Variants in POC1A observed in about 807,000 individuals in gnomAD.
The protein encoded by POC1A is POC1 centriolar protein A, also known as POC1 centriolar protein homolog A.
Under a neutral mutation model 47.8 loss-of-function variants are expected in POC1A, and 34 were observed. That is an observed-to-expected ratio of 0.71 (90% CI 0.54 to 0.95). POC1A has a LOEUF of 0.95. Ranked by LOEUF, POC1A falls within the 40% of genes least tolerant of loss-of-function variation. The pLI is 0.00. For missense variants in POC1A, 466 were observed against 528.3 expected, an observed-to-expected ratio of 0.88 and a Z score of 1.16; for synonymous variants, 177 against 207.6, an observed-to-expected ratio of 0.85 and a Z score of 1.27.
At chr3:52,112,195 C>T (rs368622185) in intron 9 of POC1A, among the ~76,000 whole-genome samples, 18 of 152,316 alleles carry the variant, frequency 1.2e-4, no homozygotes, top group African/African-American at 4.3e-4. Flanking sequence ...ACGCTGTCAC[C>T]CAGGCTGAAG....
chr3:52,119,005 T>TTTC, intron 9 of POC1A, among the ~76,000 whole-genome samples: 1 of 81,228 alleles, frequency 1.2e-5, no homozygotes, highest in East Asian at 6.6e-4. Flanking sequence ...AGGCAAAAGG[T>TTTC]TTTTTTTTTT....
chr3:52,105,514 A>T (rs1462915390), intron 9 of POC1A, among the ~76,000 whole-genome samples: 1 of 152,140 alleles, frequency 6.6e-6, no homozygotes, highest in Non-Finnish European at 1.5e-5. Context: ...GCTCACGTGG[A>T]CTCAGCCTCA....
rs76403062 is a variant in POC1A at position 52,137,259 on chromosome 3, G to A, written c.813+910C>T. Among the ~76,000 whole-genome samples, 1,158 of 152,248 alleles carry A rather than the reference G, an allele frequency of 7.6e-3. 6 individuals carry two copies. The highest frequency in any genetic ancestry group is 9.9e-3 in the Non-Finnish European group (673 of 68,010). Reference sequence around the variant, plus strand: ...CCTATGTCCCCATCCCCTAGTCATAGCCAAATGGCCCCCAGGTACCCTAAC... The same window carrying A: ...CCTATGTCCCCATCCCCTAGTCATAACCAAATGGCCCCCAGGTACCCTAAC... On this transcript the variant is annotated intron_variant, in intron 7 of 10. Transcript: ENST00000296484.
chr3:52,089,546 G>T (rs2106950817), intron 10 of POC1A, among the ~76,000 whole-genome samples: 1 of 152,264 alleles, frequency 6.6e-6, no homozygotes, highest in East Asian at 1.9e-4. Context: ...GACCAAGCAG[G>T]TGAGCTGGCT....
At chr3:52,100,755 C>CA (rs904173786) in intron 9 of POC1A, among the ~76,000 whole-genome samples, 14 of 149,506 alleles carry the variant, frequency 9.4e-5, no homozygotes, top group South Asian at 4.2e-4. Context: ...GCTTTCATGA[C>CA]AAAAAAAAAT....
Position 52,085,223 on chromosome 3 carries a change from C to T in POC1A, c.1126-9238G>A, listed in dbSNP as rs138494905. Among the ~76,000 whole-genome samples, 218 of 152,286 alleles carry T rather than the reference C, an allele frequency of 1.4e-3. 1 individual carries two copies. Among genetic ancestry groups the T allele is most frequent in the Middle Eastern group, 0.01 (3 of 294 alleles). On this transcript the variant is annotated intron_variant, in intron 10 of 10. Transcript: ENST00000296484. The stretch of plus-strand genomic sequence containing the variant: ...GCCAGACTCAGGCAGGCACCCCATC[C>T]CCTGCCCCAGCTGGGCTCCTCCTGC...
intron 4 of POC1A, among the ~76,000 whole-genome samples, chr3:52,148,473 T>TTCCATGGG (rs1698441704): frequency 6.6e-6 from 1 of 152,216 alleles, no homozygotes; most frequent in Non-Finnish European, 1.5e-5. Flanking sequence ...CAAAGATATT[T>TTCCATGGG]GACCCATGGG....
chr3:52,124,398 G>A (rs781494613), intron 8 of POC1A, among the ~76,000 whole-genome samples: 11 of 152,222 alleles, frequency 7.2e-5, no homozygotes, highest in Non-Finnish European at 1.6e-4. Context: ...CAGGGCACAA[G>A]GCACCAGGGC....
rs1238357899 is a variant in POC1A, at chr3:52,075,666, C to T, written c.*221G>A. On this transcript the variant is annotated 3_prime_UTR_variant, in exon 11 of 11. Transcript: ENST00000296484. ...GTCCTCTCATTCGGGTCTGAAGCAT[C>T]ATTTGTGTGTGAGCCCGGCCCACTG... 4.3e-6 allele frequency: 2 copies of T among 469,144 alleles called. No individual in the cohort carries two copies. The highest frequency in any genetic ancestry group is 5.0e-5 in the South Asian group (2 of 40,110). The allele number at this position is 469,144 out of a possible 1,614,324, so 29.1% of individuals were successfully genotyped here.
At chr3:52,077,237 C>T (rs1224717063) in intron 10 of POC1A, among the ~76,000 whole-genome samples, 4 of 152,270 alleles carry the variant, frequency 2.6e-5, no homozygotes, top group African/African-American at 4.8e-5. Context: ...TAACCTCACC[C>T]GTGTGCTTTC....
chr3:52,143,505 C>T (rs1440465369), intron 6 of POC1A, among the ~76,000 whole-genome samples: 6 of 152,170 alleles, frequency 3.9e-5, no homozygotes, highest in Non-Finnish European at 8.8e-5. Flanking sequence ...GGGGTTCATA[C>T]CTCTCACTCT....
intron 10 of POC1A, among the ~76,000 whole-genome samples, chr3:52,085,223 C>A (rs138494905): frequency 1.3e-5 from 2 of 152,168 alleles, no homozygotes; most frequent in Non-Finnish European, 2.9e-5. Flanking sequence ...GCACCCCATC[C>A]CCTGCCCCAG....
chr3:52,135,428 G>A (rs1704413827), intron 7 of POC1A, among the ~76,000 whole-genome samples: 1 of 152,188 alleles, frequency 6.6e-6, no homozygotes. Context: ...TTGTCACCCA[G>A]GCTGGAGTAC....
intron 10 of POC1A, among the ~76,000 whole-genome samples, chr3:52,085,184 A>G (rs1294762745): frequency 6.6e-6 from 1 of 152,132 alleles, no homozygotes; most frequent in Non-Finnish European, 1.5e-5. Context: ...CAGCCACATC[A>G]GGGCTCTGCC....
At position 52,084,223 on chromosome 3, in the gene POC1A, C is replaced by T. The variant is rs771799089; in HGVS notation, c.1126-8238G>A. 9.9e-5 allele frequency among the ~76,000 whole-genome samples: 15 copies of T among 152,218 alleles called. No homozygotes were observed. Among genetic ancestry groups the T allele is most frequent in the Non-Finnish European group, 4.4e-5 (3 of 68,036 alleles). Reference sequence around the variant, plus strand: ...ACAGACTGGCACTTCAGAGCACAGACCAAGGGCACACCCTCAGAGACAGGT... The same window carrying T: ...ACAGACTGGCACTTCAGAGCACAGATCAAGGGCACACCCTCAGAGACAGGT... On this transcript the variant is annotated intron_variant, in intron 10 of 10. Transcript: ENST00000296484. The surrounding 1 kb of genome is among the most constrained non-coding windows in gnomAD (Gnocchi z 4.3).
intron 6 of POC1A, 47 bp from the exon 7 acceptor site, chr3:52,138,349 C>T (rs1429806198): frequency 3.8e-6 from 6 of 1,578,300 alleles, no homozygotes; most frequent in Non-Finnish European, 5.2e-6. Context: ...GCACAGGGAG[C>T]ACAGCTGAAG....
chr3:52,140,392 A>T (rs1260337887), intron 6 of POC1A, among the ~76,000 whole-genome samples: 1 of 152,184 alleles, frequency 6.6e-6, no homozygotes, highest in Non-Finnish European at 1.5e-5. Context: ...ACTGGGATGA[A>T]GGCCACCTCC....
At chr3:52,139,770 A>G (rs1012946179) in intron 6 of POC1A, among the ~76,000 whole-genome samples, 1 of 152,196 alleles carries the variant, frequency 6.6e-6, no homozygotes, top group Non-Finnish European at 1.5e-5. Context: ...TAAGCTGGGT[A>G]TCCAGAAGCC....
intron 1 of POC1A, 84 bp downstream of exon 1, chr3:52,154,271 T>C: frequency 7.1e-7 from 1 of 1,407,282 alleles, no homozygotes; most frequent in Non-Finnish European, 9.7e-7. Flanking sequence ...CGCCCGCCCC[T>C]CGCAGCCATC....
Sources: allele counts gnomAD v4.1 joint callset (sites outside exome capture counted in the v4.1 genomes callset), GRCh38; gene constraint gnomAD v4.1.1; non-coding constraint Gnocchi (gnomAD v3.1); transcripts MANE v1.5; gene names NCBI Gene and HGNC (gene_info 2026-07-23, HGNC 2026-07-21).